AKAP13: variants seen among roughly 807,000 people sequenced by gnomAD.
AKAP13 encodes the protein A-kinase anchoring protein 13, also known as A-kinase anchor protein 13.
Under a neutral mutation model 264.5 loss-of-function variants are expected in AKAP13, and 80 were observed. That is an observed-to-expected ratio of 0.30 (90% confidence interval 0.25 to 0.36). AKAP13 has a LOEUF of 0.36. Among genes scored for constraint, AKAP13 ranks in the 10% least tolerant of loss-of-function variants. The pLI is 1.00. For synonymous variants in AKAP13, 1,380 were observed against 1,250.2 expected (o/e 1.10, Z -2.19); for missense variants, 3,712 against 3,435.2 (o/e 1.08, Z -2.01).
intron 5 of AKAP13, among the ~76,000 whole-genome samples, chr15:85,561,642 G>T (rs2078381987): frequency 6.6e-6 from 1 of 152,178 alleles, no homozygotes; most frequent in Non-Finnish European, 1.5e-5. Context: ...AACTAATACA[G>T]TGGCAGTATG....
At chr15:85,438,759 A>C (rs1434295933) in intron 1 of AKAP13, among the ~76,000 whole-genome samples, 1 of 152,098 alleles carries the variant, frequency 6.6e-6, no homozygotes, top group South Asian at 2.1e-4. Flanking sequence ...AAAACTGGCT[A>C]GCCATATGTA....
intron 30 of AKAP13, among the ~76,000 whole-genome samples, chr15:85,731,139 G>C (rs915103065): frequency 6.6e-6 from 1 of 150,754 alleles, no homozygotes; most frequent in African/African-American, 2.4e-5. Context: ...CAAGTAGCTT[G>C]GGACTACAGA....
chr15:85,472,336 T>C (rs1470169207), intron 1 of AKAP13, among the ~76,000 whole-genome samples: 1 of 148,824 alleles, frequency 6.7e-6, no homozygotes, highest in African/African-American at 2.5e-5. Flanking sequence ...GTAAGACCCA[T>C]CTCTTAAAAA....
intron 5 of AKAP13, among the ~76,000 whole-genome samples, chr15:85,549,673 C>T (rs1596496310): frequency 6.6e-6 from 1 of 152,102 alleles, no homozygotes; most frequent in Non-Finnish European, 1.5e-5. Flanking sequence ...AATGCCAAGG[C>T]CCATATTCTT....
intron 9 of AKAP13, among the ~76,000 whole-genome samples, chr15:85,639,965 GAATTA>G (rs1463876797): frequency 6.6e-6 from 1 of 152,164 alleles, no homozygotes; most frequent in African/African-American, 2.4e-5. Flanking sequence ...ACATGGTCAG[GAATTA>G]AGTCTTTCCT....
intron 1 of AKAP13, among the ~76,000 whole-genome samples, chr15:85,386,763 C>T (rs747860110): frequency 2.0e-4 from 29 of 147,012 alleles, no homozygotes; most frequent in Admixed American, 1.4e-3. Context: ...TACCTTTGTG[C>T]CTTTTTTTTT....
intron 1 of AKAP13, among the ~76,000 whole-genome samples, chr15:85,470,693 C>T (rs1287280300): frequency 2.0e-5 from 3 of 152,106 alleles, no homozygotes; most frequent in African/African-American, 7.2e-5. Context: ...GTCAGTATGC[C>T]CTAATCACTT....
chr15:85,625,890 C>T (rs1396351478), intron 8 of AKAP13, among the ~76,000 whole-genome samples: 1 of 152,188 alleles, frequency 6.6e-6, no homozygotes, highest in Non-Finnish European at 1.5e-5. Context: ...ACAAATGTAT[C>T]TGCCACATCA....
intron 2 of AKAP13, among the ~76,000 whole-genome samples, chr15:85,516,172 T>G (rs2076590867): frequency 6.6e-6 from 1 of 152,182 alleles, no homozygotes; most frequent in Admixed American, 6.5e-5. Flanking sequence ...TCTAATGGGG[T>G]GTACATCCTG....
At chr15:85,390,408 C>T (rs902578198) in intron 1 of AKAP13, among the ~76,000 whole-genome samples, 4 of 152,216 alleles carry the variant, frequency 2.6e-5, no homozygotes, top group African/African-American at 9.6e-5. Flanking sequence ...GAAGGAACAT[C>T]AAGTGCAAAG....
rs181110127 is a variant in AKAP13 at position 85,456,239 on chromosome 15, G to T, written c.-11-29471G>T. On this transcript the variant is annotated intron_variant, in intron 1 of 36. Transcript: ENST00000394518. ...CTTCTTCTTGTAAGCAAAATCAGAG[G>T]TGTTTAATTGTTTAGTCACTTGGAT... is the stretch of plus-strand genomic sequence containing the variant. 9.9e-5 allele frequency among the ~76,000 whole-genome samples: 15 copies of T among 152,222 alleles called. No homozygotes were observed. The East Asian group carries it at 1.9e-3, about 20-fold the overall frequency.
Position 85,585,709 on chromosome 15 carries a change from A to C in AKAP13, c.4047A>C (p.Pro1349=). 2 of 1,614,184 alleles carry C rather than the reference A, an allele frequency of 1.2e-6. No individual in the cohort carries two copies. Among genetic ancestry groups the C allele is most frequent in the Non-Finnish European group, 1.7e-6 (2 of 1,179,990 alleles). ...VQGPEPAAEM[P]DVKAEDEVDF... is the part of the protein sequence containing the mutation. The stretch of plus-strand genomic sequence containing the variant: ...ACCCCCCTGCACTTTCAGAAATGCC[A>C]GACGTGAAAGCTGAAGATGAAGTGG... The change falls in exon 8 of 37, where the codon CCA becomes CCC. Residue 1349 remains proline, a synonymous_variant. Coordinates refer to ENST00000394518, the MANE Select transcript of AKAP13 (RefSeq NM_007200.5).
At chr15:85,707,500 T>C (rs1165559589) in intron 17 of AKAP13, among the ~76,000 whole-genome samples, 2 of 152,232 alleles carry the variant, frequency 1.3e-5, no homozygotes, top group African/African-American at 4.8e-5. Context: ...TTTCAGATTT[T>C]ATATTCTGTG....
chr15:85,415,677 A>C, intron 1 of AKAP13: 1 of 1,100,310 alleles, frequency 9.1e-7, no homozygotes, highest in Non-Finnish European at 1.4e-6. Flanking sequence ...TAAGAGAATG[A>C]CCAAGCTCAG....
chr15:85,643,796 C>A (rs1018004613), intron 9 of AKAP13, among the ~76,000 whole-genome samples: 1 of 152,186 alleles, frequency 6.6e-6, no homozygotes, highest in Admixed American at 6.5e-5. Context: ...GGCACATTTT[C>A]TTCAAGCTCC....
intron 14 of AKAP13, among the ~76,000 whole-genome samples, chr15:85,676,506 C>T (rs573966912): frequency 6.6e-6 from 1 of 152,246 alleles, no homozygotes; most frequent in East Asian, 1.9e-4. Context: ...AACATCCACC[C>T]ACAGGTGAGC....
At chr15:85,729,581 TAGAA>T in intron 29 of AKAP13, among the ~76,000 whole-genome samples, 1 of 152,046 alleles carries the variant, frequency 6.6e-6, no homozygotes, top group Non-Finnish European at 1.5e-5. Context: ...TATCAGCATA[TAGAA>T]GGTCATTGAA....
intron 13 of AKAP13, among the ~76,000 whole-genome samples, chr15:85,668,824 TC>T (rs2083746887): frequency 6.6e-6 from 1 of 152,000 alleles, no homozygotes; most frequent in Non-Finnish European, 1.5e-5. Flanking sequence ...ACCCCTGTAA[TC>T]CCAGCTACTC....
chr15:85,613,713 T>TATATATGTATGTA (rs1254657975), intron 8 of AKAP13, among the ~76,000 whole-genome samples: 1 of 111,010 alleles, frequency 9.0e-6, no homozygotes, highest in South Asian at 3.4e-4. Context: ...TATATATATA[T>TATATATGTATGTA]TAGGAGTGCT....
Sources: allele counts gnomAD v4.1 joint callset (sites outside exome capture counted in the v4.1 genomes callset), GRCh38; gene constraint gnomAD v4.1.1; transcripts MANE v1.5; gene names NCBI Gene and HGNC (gene_info 2026-07-23, HGNC 2026-07-21).